Variants in KCNAB2 observed in about 807,000 individuals in gnomAD.
The protein encoded by KCNAB2 is potassium voltage-gated channel subfamily A regulatory beta subunit 2, also known as voltage-gated potassium channel subunit beta-2.
A neutral mutation model predicts 63.6 loss-of-function variants in KCNAB2; 29 were observed. That is an observed-to-expected ratio of 0.46 (90% CI 0.34 to 0.62). KCNAB2 has a LOEUF of 0.62. Among genes scored for constraint, KCNAB2 ranks in the 20% least tolerant of loss-of-function variants. The pLI is 0.01. For missense variants in KCNAB2, 359 were observed against 563.9 expected, an observed-to-expected ratio of 0.64 and a Z score of 3.68; for synonymous variants, 222 against 224.2, an observed-to-expected ratio of 0.99 and a Z score of 0.09.
At position 6,035,234 on chromosome 1, in the gene KCNAB2, G is replaced by C. The variant is rs1557432332; in HGVS notation, c.-53+440G>C. Among the ~76,000 whole-genome samples, 1 of 152,172 alleles carries C rather than the reference G, an allele frequency of 6.6e-6. No individual in the cohort carries two copies. Among genetic ancestry groups the C allele is most frequent in the African/African-American group, 2.4e-5 (1 of 41,420 alleles). ...CAGGGAGCCAGTGTGGCAGGGGCCA[G>C]TGTGTGAGGGGCTCAGCGGGGGATG... On this transcript the variant is annotated intron_variant, in intron 1 of 15. Coordinates refer to the KCNAB2 transcript ENST00000164247. This position sits in a 1 kb window ranked among gnomAD's most constrained non-coding sequence, Gnocchi z 5.0.
intron 1 of KCNAB2, among the ~76,000 whole-genome samples, chr1:6,049,738 C>T (rs2100522092): frequency 6.6e-6 from 1 of 152,352 alleles, no homozygotes; most frequent in East Asian, 1.9e-4. Flanking sequence ...CCTTCCCTAC[C>T]TCAATTGCAT....
chr1:6,074,515 C>G lies in KCNAB2; in HGVS notation c.300+745C>G, dbSNP rs1045755449. On this transcript the variant is annotated intron_variant, in intron 4 of 15. Coordinates refer to ENST00000378083, the MANE Select transcript of KCNAB2 (RefSeq NM_001199862.2). The surrounding 1 kb of genome is among the most constrained non-coding windows in gnomAD (Gnocchi z 4.9). Reference sequence around the variant, plus strand: ...ACAAGAAGCAGTTTTCACATTTATCCTACTTAGCACTAGAAAGGTTGCGTT... The same window carrying G: ...ACAAGAAGCAGTTTTCACATTTATCGTACTTAGCACTAGAAAGGTTGCGTT... Among the ~76,000 whole-genome samples the G allele has an allele frequency of 6.6e-6, 1 of 152,336 alleles. No homozygotes were observed. The highest frequency in any genetic ancestry group is 1.9e-4 in the East Asian group (1 of 5,188).
intron 1 of KCNAB2, among the ~76,000 whole-genome samples, chr1:6,017,662 G>T (rs1051574744): frequency 6.6e-6 from 1 of 152,082 alleles, no homozygotes; most frequent in South Asian, 2.1e-4. Context: ...ATGGTGGCAG[G>T]TGCCTGCAAT....
intron 1 of KCNAB2, among the ~76,000 whole-genome samples, chr1:6,017,406 C>CTGTGTGTGTGTGTGTGTGTGTGTG (rs56202547): frequency 1.6e-4 from 23 of 147,300 alleles, no homozygotes; most frequent in African/African-American, 4.5e-4. Context: ...CCATACCTGG[C>CTGTGTGTGTGTGTGTGTGTGTGTG]TGTGTGTGTG....
At chr1:6,036,878 CTCTT>C (rs1660085907) in intron 1 of KCNAB2, among the ~76,000 whole-genome samples, 1 of 152,196 alleles carries the variant, frequency 6.6e-6, no homozygotes. Context: ...TGCCCATAGA[CTCTT>C]TCTGTAAAGG....
At chr1:6,038,718 C>T (rs529377242) in intron 1 of KCNAB2, among the ~76,000 whole-genome samples, 1 of 152,234 alleles carries the variant, frequency 6.6e-6, no homozygotes, top group Non-Finnish European at 1.5e-5. Context: ...GTTTGGGAAT[C>T]CCCTCCCTTA....
In KCNAB2 at chr1:6,098,817, C is replaced by A; in HGVS notation, c.*243C>A. ...GGTTAGGAAGGATGTTCAAACGGTC[C>A]CACCCAAGCCTGTCACCTCTGCTCA... is the stretch of plus-strand genomic sequence containing the variant. On this transcript the variant is annotated 3_prime_UTR_variant, in exon 16 of 16. Coordinates refer to ENST00000378083, the MANE Select transcript of KCNAB2 (RefSeq NM_001199862.2). The A allele has an allele frequency of 2.2e-6, 1 of 450,422 alleles. No homozygotes were observed. Among genetic ancestry groups the A allele is most frequent in the Non-Finnish European group, 4.0e-6 (1 of 251,712 alleles). 27.9% of individuals were successfully genotyped at this position (450,422 alleles called of 1,614,324 possible).
intron 1 of KCNAB2, among the ~76,000 whole-genome samples, chr1:5,998,468 G>C (rs750343227): frequency 2.0e-5 from 3 of 152,208 alleles, no homozygotes; most frequent in Non-Finnish European, 4.4e-5. Context: ...GTTCACAGGA[G>C]AGGTGGGACC....
chr1:6,098,388 GC>G, intron 15 of KCNAB2, 96 bp from the exon 16 acceptor site: 1 of 1,550,276 alleles, frequency 6.5e-7, no homozygotes, highest in Non-Finnish European at 8.7e-7. Flanking sequence ...CCCGGGCCTG[GC>G]CAGCCGACCA....
rs373582562 is a variant in KCNAB2 at position 6,046,243 on chromosome 1, C to T, written c.-27+60C>T. 174 of 967,338 alleles carry T rather than the reference C, an allele frequency of 1.8e-4. 4 individuals are homozygous for T. The South Asian group carries it at 3.2e-3, about 18-fold the overall frequency. The allele number at this position is 967,338 out of a possible 1,614,324, so 59.9% of individuals were successfully genotyped here. A position where few individuals can be genotyped will look rare whatever the true frequency, so the allele number is the denominator to read the frequency against. ...GAGATGCCGCTTGGGGGCACGCATC[C>T]GCGGGAATGAAAAATAACAGAGGAG... On this transcript the variant is annotated intron_variant, in intron 1 of 15. Coordinates refer to ENST00000378083, the MANE Select transcript of KCNAB2 (RefSeq NM_001199862.2).
intron 2 of KCNAB2, among the ~76,000 whole-genome samples, chr1:6,055,463 C>A (rs532617338): frequency 2.7e-4 from 40 of 149,886 alleles, no homozygotes; most frequent in African/African-American, 9.1e-4. Flanking sequence ...TCAAGCGATT[C>A]TCCTGCCTCA....
chr1:6,029,588 G>A (rs1659447409), upstream of KCNAB2, among the ~76,000 whole-genome samples: 3 of 152,184 alleles, frequency 2.0e-5, no homozygotes, highest in Admixed American at 1.3e-4. Context: ...CACCAGGGCG[G>A]GGCACAGGCT....
Position 6,051,758 on chromosome 1 carries a change from A to G in KCNAB2, c.218+4A>G, listed in dbSNP as rs1457368537. The G allele has an allele frequency of 1.2e-5, 19 of 1,523,612 alleles. No homozygotes were observed. Among genetic ancestry groups the G allele is most frequent in the Non-Finnish European group, 1.6e-5 (18 of 1,138,922 alleles). The allele number at this position is 1,523,612 out of a possible 1,614,324, so 94.4% of individuals were successfully genotyped here. A position where few individuals can be genotyped will look rare whatever the true frequency, so the allele number is the denominator to read the frequency against. ...AGCGCACAGGCATGAAGTATCGGTA[A>G]GGGCCGGGCAGGGGGGCGGTGGGGT... On this transcript the variant is annotated splice_donor_region_variant and intron_variant, in intron 2 of 15. Transcript: ENST00000378083.
upstream of KCNAB2, among the ~76,000 whole-genome samples, chr1:6,032,067 G>A (rs1022360141): frequency 2.0e-5 from 3 of 152,172 alleles, no homozygotes; most frequent in African/African-American, 7.2e-5. Flanking sequence ...TGGCTTTGAT[G>A]ACAGTTCAAG....
chr1:6,009,427 ATGCACACACC>A (rs1658018756), intron 1 of KCNAB2, among the ~76,000 whole-genome samples: 1 of 152,110 alleles, frequency 6.6e-6, no homozygotes, highest in Non-Finnish European at 1.5e-5. Context: ...GCATATGTGT[ATGCACACACC>A]TGCACACACA....
At chr1:6,039,787 G>T (rs776628480) in intron 1 of KCNAB2, among the ~76,000 whole-genome samples, 2 of 152,214 alleles carry the variant, frequency 1.3e-5, no homozygotes, top group Non-Finnish European at 2.9e-5. Flanking sequence ...CTTCTCGCCA[G>T]CTGTCGGCCC....
At position 6,083,428 on chromosome 1, in the gene KCNAB2, G is replaced by A. The variant is rs535802612; in HGVS notation, c.380+1154G>A. On this transcript the variant is annotated intron_variant, in intron 5 of 15. Coordinates refer to ENST00000378083, the MANE Select transcript of KCNAB2 (RefSeq NM_001199862.2). ...AGCCACACTCCGTCCTCTGTCACTCGCAGTTTCCATGTTCCCCTGTTTAAC... is the reference window on the plus strand; with the variant it reads ...AGCCACACTCCGTCCTCTGTCACTCACAGTTTCCATGTTCCCCTGTTTAAC... 5.3e-5 allele frequency among the ~76,000 whole-genome samples: 8 copies of A among 152,272 alleles called. No homozygotes were observed. In the South Asian group the frequency reaches 1.2e-3, roughly 24 times the overall value.
At chr1:6,050,382 T>A (rs543440409) in intron 1 of KCNAB2, among the ~76,000 whole-genome samples, 1 of 152,338 alleles carries the variant, frequency 6.6e-6, no homozygotes, top group East Asian at 1.9e-4. Flanking sequence ...GTCACTGGAC[T>A]GGGGACCTCC....
chr1:6,090,312 G>C, intron 8 of KCNAB2, 77 bp from the exon 9 acceptor site: 1 of 1,016,930 alleles, frequency 9.8e-7, no homozygotes, highest in Non-Finnish European at 1.5e-6. Context: ...TGTTCCCTGA[G>C]CCGGGCATGG....
Sources: gnomAD v4.1 joint callset for allele counts (sites outside exome capture counted in the v4.1 genomes callset) on GRCh38, gnomAD v4.1.1 for gene constraint, Gnocchi (gnomAD v3.1) non-coding constraint, MANE v1.5 for transcripts, NCBI Gene and HGNC (gene_info 2026-07-23, HGNC 2026-07-21) for gene names.